Variants in RBFOX1 observed in about 807,000 individuals in gnomAD.
RBFOX1 encodes the protein RNA binding protein fox-1 homolog 1.
A neutral mutation model predicts 57.7 loss-of-function variants in RBFOX1; 8 were observed. The ratio of observed to expected loss-of-function variants is 0.14; its 90% confidence interval spans 0.08 to 0.25. RBFOX1 has a LOEUF of 0.25. Ranked by LOEUF, RBFOX1 falls within the 10% of genes least tolerant of loss-of-function variation. The pLI is 1.00. For missense variants in RBFOX1, 611 were observed against 548.5 expected, an observed-to-expected ratio of 1.11 and a Z score of -1.14; for synonymous variants, 326 against 222.4, an observed-to-expected ratio of 1.47 and a Z score of -4.15.
chr16:7,707,667 G>A (rs998277237), intron 14 of RBFOX1, among the ~76,000 whole-genome samples: 5 of 152,036 alleles, frequency 3.3e-5, no homozygotes, highest in African/African-American at 1.2e-4. Flanking sequence ...TTAACTCAAT[G>A]GTGCATCACT....
intron 3 of RBFOX1, among the ~76,000 whole-genome samples, chr16:6,791,132 C>G (rs2082861331): frequency 6.6e-6 from 1 of 151,992 alleles, no homozygotes; most frequent in South Asian, 2.1e-4. Flanking sequence ...ATCTCAAACT[C>G]CTGACCTCAA....
chr16:5,994,107 C>G lies in RBFOX1; in HGVS notation c.351+126772C>G, dbSNP rs76594809. 2.9e-3 allele frequency among the ~76,000 whole-genome samples: 448 copies of G among 152,234 alleles called. 3 individuals are homozygous for G. The highest frequency in any genetic ancestry group is 0.01 in the African/African-American group (434 of 41,548). ...GGGGGCTCGTTCGACTCTCTCTGTT[C>G]CTGTTTTTCCAGCTGTAATGGGTGT... On this transcript the variant is annotated intron_variant, in intron 4 of 19. Transcript: ENST00000641259.
intron 4 of RBFOX1, among the ~76,000 whole-genome samples, chr16:7,155,587 A>G (rs1414711056): frequency 3.5e-5 from 5 of 140,970 alleles, no homozygotes; most frequent in East Asian, 2.2e-4. Context: ...CAGGGTGAGC[A>G]CTTGTCTGAA....
chr16:6,483,213 G>A (rs2095402258), intron 2 of RBFOX1: 1 of 1,211,022 alleles, frequency 8.3e-7, no homozygotes, highest in Non-Finnish European at 1.0e-6. Context: ...GCCGGCCGGG[G>A]AAGCCGGACC....
intron 4 of RBFOX1, among the ~76,000 whole-genome samples, chr16:5,941,347 G>C (rs973146076): frequency 6.6e-6 from 1 of 151,796 alleles, no homozygotes; most frequent in Non-Finnish European, 1.5e-5. Flanking sequence ...TAAGTTAGCT[G>C]GGCATGGTAG....
intron 13 of RBFOX1, among the ~76,000 whole-genome samples, chr16:7,673,899 C>G (rs2072428216): frequency 6.6e-6 from 1 of 152,060 alleles, no homozygotes; most frequent in Non-Finnish European, 1.5e-5. Context: ...CTCGGAAGAC[C>G]AGGTTCAACA....
intron 4 of RBFOX1, among the ~76,000 whole-genome samples, chr16:7,315,463 C>G (rs545441032): frequency 2.0e-5 from 3 of 151,680 alleles, no homozygotes; most frequent in East Asian, 3.9e-4. Context: ...CCTACCCCCC[C>G]CCCCATACTG....
intron 10 of RBFOX1, among the ~76,000 whole-genome samples, chr16:7,613,391 T>C (rs1027462496): frequency 6.6e-6 from 1 of 152,094 alleles, no homozygotes; most frequent in African/African-American, 2.4e-5. Flanking sequence ...TCAGAGAACA[T>C]CACAGACTGT....
At chr16:6,652,774 G>C (rs2098607016) in intron 2 of RBFOX1, among the ~76,000 whole-genome samples, 1 of 152,122 alleles carries the variant, frequency 6.6e-6, no homozygotes, top group African/African-American at 2.4e-5. Context: ...GGGAAGTGAA[G>C]AGTTATTGTT....
chr16:7,393,169 C>G (rs2098072844), intron 4 of RBFOX1, among the ~76,000 whole-genome samples: 1 of 151,958 alleles, frequency 6.6e-6, no homozygotes, highest in Non-Finnish European at 1.5e-5. Context: ...CCACCGCACC[C>G]CACCTGGTGT....
intron 15 of RBFOX1, chr16:7,709,905 T>C (rs1214730339): frequency 1.9e-6 from 2 of 1,063,652 alleles, no homozygotes; most frequent in Admixed American, 5.4e-5. Context: ...CATGCAGTTT[T>C]CTGCTTGGAT....
chr16:6,634,489 TATATA>T (rs1398955605), intron 2 of RBFOX1, among the ~76,000 whole-genome samples: 2 of 149,660 alleles, frequency 1.3e-5, no homozygotes, highest in South Asian at 2.1e-4. Context: ...GATACATACT[TATATA>T]ATATTATATC....
chr16:6,560,250 G>C (rs867834994), intron 2 of RBFOX1, among the ~76,000 whole-genome samples: 7 of 151,574 alleles, frequency 4.6e-5, no homozygotes, highest in African/African-American at 1.7e-4. Flanking sequence ...TGAAAAGTGT[G>C]CGTGATGCCT....
intron 5 of RBFOX1, among the ~76,000 whole-genome samples, chr16:7,520,960 A>G (rs2077393436): frequency 1.3e-5 from 2 of 152,246 alleles, no homozygotes; most frequent in Admixed American, 1.3e-4. Flanking sequence ...GAACAAAACA[A>G]AATGATCTTT....
intron 1 of RBFOX1, among the ~76,000 whole-genome samples, chr16:5,430,212 A>G (rs758499812): frequency 3.3e-5 from 5 of 152,138 alleles, no homozygotes; most frequent in Non-Finnish European, 7.4e-5. Context: ...AGATAATGAC[A>G]CAGCTAATTA....
chr16:5,537,429 TTA>T (rs1164922849), intron 2 of RBFOX1, among the ~76,000 whole-genome samples: 2 of 152,178 alleles, frequency 1.3e-5, no homozygotes, highest in Non-Finnish European at 2.9e-5. Context: ...ATTTATTATT[TTA>T]TAGTTATGTA....
intron 2 of RBFOX1, among the ~76,000 whole-genome samples, chr16:6,330,063 T>A (rs915418738): frequency 6.6e-6 from 1 of 152,130 alleles, no homozygotes; most frequent in African/African-American, 2.4e-5. Context: ...TTCTTCCCCA[T>A]GCAAAGAAAG....
intron 1 of RBFOX1, among the ~76,000 whole-genome samples, chr16:6,063,062 C>A (rs912748753): frequency 6.6e-6 from 1 of 152,152 alleles, no homozygotes; most frequent in South Asian, 2.1e-4. Context: ...TGATAGATGT[C>A]ATTCACATCT....
At chr16:5,749,517 T>G (rs997222538) in intron 3 of RBFOX1, among the ~76,000 whole-genome samples, 21 of 152,252 alleles carry the variant, frequency 1.4e-4, no homozygotes, top group Admixed American at 7.2e-4. Flanking sequence ...CAGATGTAGA[T>G]TTGGTCTTTT....
Sources: allele counts gnomAD v4.1 joint callset (sites outside exome capture counted in the v4.1 genomes callset), GRCh38; gene constraint gnomAD v4.1.1; transcripts MANE v1.5; gene names NCBI Gene and HGNC (gene_info 2026-07-23, HGNC 2026-07-21).